The following PLEC variants were observed in gnomAD, a reference collection of about 807,000 sequenced individuals.
The protein encoded by PLEC is plectin, also known as hemidesmosomal protein 1.
In PLEC, 216 loss-of-function variants were observed where a neutral mutation model predicts 392.8. The observed-to-expected ratio is 0.55, with a 90% confidence interval of 0.49 to 0.62. The LOEUF (loss-of-function observed/expected upper bound fraction) is 0.62. PLEC is among the 20% of genes least tolerant of loss of function. The probability of loss-of-function intolerance (pLI) is 0.00; values close to 1 mark genes in which losing one functional copy is unlikely to be tolerated. For missense variants in PLEC, 6,863 were observed against 6,563.4 expected, an observed-to-expected ratio of 1.05 and a Z score of -1.58; for synonymous variants, 3,621 against 2,980.6, an observed-to-expected ratio of 1.21 and a Z score of -7.00.
In PLEC at chr8:143,923,467, C is replaced by A; in HGVS notation, c.6462G>T (p.Gln2154His). 4.4e-6 allele frequency: 7 copies of A among 1,606,496 alleles called. No individual in the cohort carries two copies. The highest frequency in any genetic ancestry group is 5.9e-6 in the Non-Finnish European group (7 of 1,179,266). The change falls in exon 31 of 32, where the codon CAG (glutamine) becomes CAT (histidine). Residue 2154 changes from glutamine (Q) to histidine (H), a missense_variant. Coordinates refer to ENST00000345136, the MANE Select transcript of PLEC (RefSeq NM_201384.3). Reference protein sequence around the residue: ...QEAARRAQAEQAALRQKQAAD... With the variant: ...QEAARRAQAEHAALRQKQAAD... ...CTGCCTGCTTCTGCCGCAGGGCCGCCTGCTCCGCCTGTGCCCGCCGCGCCG... is the reference window on the plus strand; with the variant it reads ...CTGCCTGCTTCTGCCGCAGGGCCGCATGCTCCGCCTGTGCCCGCCGCGCCG...
chr8:143,928,128 G>A (rs1554709351), intron 25 of PLEC, 136 bp from the exon 26 acceptor site: 4 of 1,056,646 alleles, frequency 3.8e-6, no homozygotes, highest in Admixed American at 2.7e-5. Flanking sequence ...TGACCCTGTG[G>A]TCAGAGGCTT....
Position 143,919,564 on chromosome 8 carries a change from G to T in PLEC, c.10257C>A (p.Gly3419=). The change falls in exon 32 of 32, where the codon GGC becomes GGA. Residue 3419 remains glycine (G), a synonymous_variant. Transcript: ENST00000345136. ...VHEAVKAGVV[G]PELHEQLLSA... is the part of the protein sequence containing the mutation. The stretch of plus-strand genomic sequence containing the variant: ...ACAGCAGCTGCTCGTGAAGCTCGGG[G>T]CCCACCACGCCCGCCTTCACGGCCT... The T allele has an allele frequency of 6.2e-7, 1 of 1,605,844 alleles. No individual in the cohort carries two copies.
chr8:143,934,513 C>T, intron 10 of PLEC, 68 bp from the exon 11 acceptor site: 1 of 1,602,746 alleles, frequency 6.2e-7, no homozygotes, highest in Non-Finnish European at 8.5e-7. Flanking sequence ...GGCCTTCAGA[C>T]CCCAGCCCAC....
At chr8:143,950,539 C>G (rs1554735643) in exon 1 of PLEC, 1 of 1,607,848 alleles carries the variant, frequency 6.2e-7, no homozygotes, top group Admixed American at 1.7e-5. Flanking sequence ...GGCCCCGTGC[C>G]CGCAGGGACG....
Position 143,950,765 on chromosome 8 carries a change from A to G in PLEC, c.-59T>C, listed in dbSNP as rs569414647. 2.5e-4 allele frequency: 384 copies of G among 1,535,366 alleles called. 1 individual carries two copies. The African/African-American group carries it at 4.1e-3, about 17-fold the overall frequency. On this transcript the variant is annotated 5_prime_UTR_variant, in exon 1 of 32. Coordinates refer to the PLEC transcript ENST00000322810. ...AAGGCAGCAGGCAGGGTACCACGAG[A>G]AGGCCCGGGGCGCTGCGAGAAGCTC...
Position 143,967,362 on chromosome 8 carries a change from C to CAAA in PLEC, c.70+6038_70+6040dup, listed in dbSNP as rs869137248. Among the ~76,000 whole-genome samples, 8 of 46,854 alleles carry CAAA rather than the reference C, an allele frequency of 1.7e-4. 1 individual carries two copies. Among genetic ancestry groups the CAAA allele is most frequent in the East Asian group, 1.3e-3 (1 of 782 alleles). 30.7% of individuals were successfully genotyped at this position (46,854 alleles called of 152,430 possible). ...TGGGCAACAGAGCGAGACTCCATCT[C>CAAA]AAAAAAAAAAAAAAAAAAAAAAAAA... On this transcript the variant is annotated intron_variant, in intron 1 of 31. Coordinates refer to the PLEC transcript ENST00000356346.
chr8:143,950,391 T>G (rs1390080283), exon 1 of PLEC: 5 of 1,602,364 alleles, frequency 3.1e-6, no homozygotes, highest in Non-Finnish European at 4.3e-6. Context: ...GGCATCACCA[T>G]GGCGACGGGG....
At chr8:143,939,743 G>A (rs1422066014), upstream of PLEC, 9 of 701,382 alleles carry the variant, frequency 1.3e-5, no homozygotes, top group East Asian at 1.3e-4. Flanking sequence ...ACACGCCCTC[G>A]GCCCGCCAGA....
rs1554669404 is a variant in PLEC, at chr8:143,916,514, G to C, written c.13307C>G (p.Thr4436Ser). 6 of 1,611,826 alleles carry C rather than the reference G, an allele frequency of 3.7e-6. No individual in the cohort carries two copies. Among genetic ancestry groups the C allele is most frequent in the Non-Finnish European group, 5.1e-6 (6 of 1,179,468 alleles). The change falls in exon 32 of 32, where the codon ACC becomes AGC. Residue 4436 changes from threonine to serine, a missense_variant. Transcript: ENST00000345136. ...RDVGAYSKYL[T>S]CPKTKLKISY... Reference sequence around the variant, plus strand: ...GATCTTGAGCTTGGTCTTAGGGCAGGTGAGGTACTTGGAGTAGGCGCCCAC... The same window carrying C: ...GATCTTGAGCTTGGTCTTAGGGCAGCTGAGGTACTTGGAGTAGGCGCCCAC...
rs200158855 is a variant in PLEC at position 143,926,755 on chromosome 8, C to T, written c.4044+29G>A. 2,039 of 1,577,608 alleles carry T rather than the reference C, an allele frequency of 1.3e-3. 5 individuals are homozygous for T. Among genetic ancestry groups the T allele is most frequent in the Non-Finnish European group, 1.6e-3 (1,824 of 1,147,554 alleles). On this transcript the variant is annotated intron_variant, in intron 30 of 31. Transcript: ENST00000345136. ...ACAACAGGTGGTGAGATGGAACCCT[C>T]TGCCCAGCCTCCGCCCAACGGGCTG...
rs370313601 is a variant in PLEC at position 143,923,761 on chromosome 8, G to A, written c.6168C>T (p.Phe2056=). The A allele has an allele frequency of 5.2e-5, 81 of 1,560,856 alleles. No homozygotes were observed. The highest frequency in any genetic ancestry group is 3.3e-4 in the South Asian group (29 of 86,590). The stretch of plus-strand genomic sequence containing the variant: ...GCTCCTGCTCCTTCTGCTGCACCGC[G>A]AAGGCGTGTGCCTTCTCTTCCGCCT... ...RLQAEEKAHA[F]AVQQKEQELQ... is the part of the protein sequence containing the mutation. The change falls in exon 31 of 32, where the codon TTC becomes TTT. Residue 2056 remains phenylalanine, a synonymous_variant. Transcript: ENST00000345136.
rs77188468 is a variant in PLEC at position 143,921,535 on chromosome 8, C to T, written c.8286G>A (p.Glu2762=). 12 of 1,612,808 alleles carry T rather than the reference C, an allele frequency of 7.4e-6. No homozygotes were observed. The East Asian group carries it at 2.5e-4, about 33-fold the overall frequency. ...CGGCCGACAGCAGCTTGTGGTGCAG[C>T]TCGGGGCCCACCACACCCTCCTTCA... The part of the protein sequence containing the change: ...EAVKEGVVGP[E]LHHKLLSAER... The change falls in exon 32 of 32, where the codon GAG becomes GAA. Residue 2762 remains glutamate (E), a synonymous_variant. Transcript: ENST00000345136.
At chr8:143,928,177 G>T (rs1331687606) in intron 25 of PLEC, among the ~76,000 whole-genome samples, 185 bp from the exon 26 acceptor site, 2 of 152,266 alleles carry the variant, frequency 1.3e-5, no homozygotes, top group Non-Finnish European at 2.9e-5. Context: ...AAGGAGGTTG[G>T]GAGCCTCTGT....
At position 143,916,137 on chromosome 8, in the gene PLEC, G is replaced by A. The variant is rs1270221711; in HGVS notation, c.*40C>T. On this transcript the variant is annotated 3_prime_UTR_variant, in exon 32 of 32. Transcript: ENST00000345136. ...CGGCCCCCGCGCCTCGGTGGGAGCC[G>A]GGCTGGGCCGCATGCAGAGCGGGGT... 19 of 1,474,796 alleles carry A rather than the reference G, an allele frequency of 1.3e-5. 1 individual carries two copies. Among genetic ancestry groups the A allele is most frequent in the South Asian group, 5.3e-5 (4 of 75,504 alleles). 91.4% of individuals were successfully genotyped at this position (1,474,796 alleles called of 1,614,324 possible). A position where few individuals can be genotyped will look rare whatever the true frequency, so the allele number is the denominator to read the frequency against.
chr8:143,934,758 A>AC (rs1554721336), intron 9 of PLEC, 28 bp from the exon 10 acceptor site: 1 of 1,612,094 alleles, frequency 6.2e-7, no homozygotes. Context: ...GTCGGCAACC[A>AC]CGCCGGGCTC....
upstream of PLEC, among the ~76,000 whole-genome samples, chr8:143,957,770 C>T (rs2132833159): frequency 6.6e-6 from 1 of 152,336 alleles, no homozygotes; most frequent in East Asian, 1.9e-4. Flanking sequence ...ACCCTGCCTG[C>T]CCTCAGCTTT....
chr8:143,950,042 G>C, intron 1 of PLEC: 1 of 1,113,432 alleles, frequency 9.0e-7, no homozygotes, highest in South Asian at 1.7e-5. Context: ...CCCTCGGCTA[G>C]GGGGGGCCAC....
Position 143,924,248 on chromosome 8 carries a change from C to T in PLEC, c.5681G>A (p.Arg1894His), listed in dbSNP as rs544063859. The T allele has an allele frequency of 2.0e-5, 32 of 1,597,952 alleles. No individual in the cohort carries two copies. The highest frequency in any genetic ancestry group is 4.5e-5 in the East Asian group (2 of 44,762). Reference protein sequence around the residue: ...AAQHKADIEERLAQLRKASDS... With the variant: ...AAQHKADIEEHLAQLRKASDS... ...CGATGCCTTGCGCAGCTGGGCCAGGCGCTCCTCGATGTCAGCCTTGTGTTG... is the reference window on the plus strand; with the variant it reads ...CGATGCCTTGCGCAGCTGGGCCAGGTGCTCCTCGATGTCAGCCTTGTGTTG... Residue 1894 changes from arginine (R) to histidine (H), a missense_variant, in exon 31 of 32, where the codon CGC becomes CAC. Arg to His is a conservative substitution (Grantham distance 29). Coordinates refer to ENST00000345136, the MANE Select transcript of PLEC (RefSeq NM_201384.3).
intron 1 of PLEC, among the ~76,000 whole-genome samples, chr8:143,971,958 C>T (rs1210383200): frequency 6.6e-6 from 1 of 152,202 alleles, no homozygotes; most frequent in African/African-American, 2.4e-5. Flanking sequence ...TGGCTCACCC[C>T]TGGATGAATC....
Sources: allele counts gnomAD v4.1 joint callset (sites outside exome capture counted in the v4.1 genomes callset), GRCh38; gene constraint gnomAD v4.1.1; transcripts MANE v1.5; gene names NCBI Gene and HGNC (gene_info 2026-07-23, HGNC 2026-07-21).